The following SMTN variants were observed in gnomAD, a reference collection of about 807,000 sequenced individuals.
SMTN encodes smoothelin.
In SMTN, 58 loss-of-function variants were observed where a neutral mutation model predicts 102.0. That is an observed-to-expected ratio of 0.57 (90% CI 0.46 to 0.71). SMTN has a LOEUF of 0.71. Among genes scored for constraint, SMTN ranks in the 30% least tolerant of loss-of-function variants. SMTN has a pLI of 0.00. For missense variants in SMTN, 1,185 were observed against 1,241.7 expected (o/e 0.95, Z 0.69); for synonymous variants, 478 against 497.9 (o/e 0.96, Z 0.53).
At chr22:31,084,878 G>GCCGGC in intron 2 of SMTN, 1 of 1,077,360 alleles carries the variant, frequency 9.3e-7, no homozygotes. Context: ...CGCCCCGCGC[G>GCCGGC]CCGGCCCGGC....
chr22:31,065,200 G>C (rs1298800179), intron 1 of SMTN: 1 of 151,850 alleles, frequency 6.6e-6, no homozygotes, highest in Non-Finnish European at 1.5e-5. Flanking sequence ...TTATTACTGG[G>C]CATGTTAACA....
intron 20 of SMTN, chr22:31,101,830 A>G (rs1261391609): frequency 6.7e-6 from 1 of 148,534 alleles, no homozygotes; most frequent in Non-Finnish European, 1.5e-5. Flanking sequence ...TCCTGAGGAC[A>G]ACAGGAGTTA....
chr22:31,082,860 T>C (rs894949644), intron 1 of SMTN: 1 of 1,531,746 alleles, frequency 6.5e-7, no homozygotes, highest in Non-Finnish European at 8.8e-7. Flanking sequence ...TGGGTGGGTC[T>C]TGCCAGGCCC....
At chr22:31,099,491 G>C (rs1026835985) in intron 18 of SMTN, 2 of 586,464 alleles carry the variant, frequency 3.4e-6, no homozygotes, top group Admixed American at 3.1e-5. Context: ...AATGAGGGAA[G>C]GAGTGATGAG....
chr22:31,088,899 G>A lies in SMTN; in HGVS notation c.401G>A (p.Ser134Asn), dbSNP rs931118532. 2.5e-6 allele frequency: 4 copies of A among 1,613,838 alleles called. No individual in the cohort carries two copies. Among genetic ancestry groups the A allele is most frequent in the Non-Finnish European group, 3.4e-6 (4 of 1,180,022 alleles). ...EAATLAGRLY[S>N]GRPNSGSRED... ...GCCACCTTGGCTGGGAGGTTGTACAGCGGGCGTCCCAACAGTGGCTCAAGA... is the reference window on the plus strand; with the variant it reads ...GCCACCTTGGCTGGGAGGTTGTACAACGGGCGTCCCAACAGTGGCTCAAGA... Residue 134 changes from serine (S) to asparagine (N), a missense_variant, in exon 6 of 21, where the codon AGC (serine) becomes AAC (asparagine). Around this residue, in one of 2 missense-constraint regions of SMTN, gnomAD observed 1,096 missense variants for 1,112.7 expected, o/e 0.98. Coordinates refer to ENST00000333137, the MANE Select transcript of SMTN (RefSeq NM_134269.3).
At chr22:31,083,041 C>A in intron 1 of SMTN, 138 bp from the exon 2 acceptor site, 1 of 1,418,978 alleles carries the variant, frequency 7.0e-7, no homozygotes, top group Non-Finnish European at 9.7e-7. Context: ...CAGAGGGCAG[C>A]TTCCAGCCAG....
intron 1 of SMTN, among the ~76,000 whole-genome samples, chr22:31,081,974 C>A (rs1296449351): frequency 1.3e-5 from 2 of 152,110 alleles, no homozygotes; most frequent in Non-Finnish European, 1.5e-5. Flanking sequence ...GAGGTTGACA[C>A]CTCTGAGCCT....
At position 31,090,023 on chromosome 22, in the gene SMTN, A is replaced by G; in HGVS notation, c.792+4A>G. On this transcript the variant is annotated splice_donor_region_variant and intron_variant, in intron 7 of 20. Coordinates refer to ENST00000333137, the MANE Select transcript of SMTN (RefSeq NM_134269.3). The stretch of plus-strand genomic sequence containing the variant: ...TGAGGGCCAGGTGGTCAACAAGGTG[A>G]GTCTGGATGAGGGGCAGGGATGCCA... 2 of 1,609,230 alleles carry G rather than the reference A, an allele frequency of 1.2e-6. No individual in the cohort carries two copies. The highest frequency in any genetic ancestry group is 1.7e-6 in the Non-Finnish European group (2 of 1,176,958).
chr22:31,073,229 A>C (rs1378049619), intron 1 of SMTN, among the ~76,000 whole-genome samples: 3 of 141,300 alleles, frequency 2.1e-5, no homozygotes, highest in Non-Finnish European at 4.5e-5. Context: ...AACTCCCACC[A>C]CACATACAGA....
At chr22:31,073,724 G>T (rs2042062374) in intron 1 of SMTN, among the ~76,000 whole-genome samples, 1 of 152,206 alleles carries the variant, frequency 6.6e-6, no homozygotes, top group Non-Finnish European at 1.5e-5. Flanking sequence ...GTTATCAATT[G>T]CCACAACAAT....
At chr22:31,073,568 T>C (rs2042059347) in intron 1 of SMTN, among the ~76,000 whole-genome samples, 2 of 152,184 alleles carry the variant, frequency 1.3e-5, no homozygotes, top group Admixed American at 1.3e-4. Flanking sequence ...GCAAGGTCAC[T>C]GCTTGGAAAA....
chr22:31,097,469 C>T (rs929134834), intron 16 of SMTN, 131 bp downstream of exon 16: 19 of 790,258 alleles, frequency 2.4e-5, no homozygotes, highest in South Asian at 1.3e-4. Flanking sequence ...TTTGGGAGGC[C>T]GAGGTGGGCG....
chr22:31,093,535 G>A (rs550564545), intron 11 of SMTN: 107 of 703,348 alleles, frequency 1.5e-4, no homozygotes, highest in Non-Finnish European at 2.4e-4. Context: ...GCGGGCGGTG[G>A]CTGAAGCAGG....
intron 6 of SMTN, 152 bp downstream of exon 6, chr22:31,089,121 A>C: frequency 1.5e-6 from 1 of 668,342 alleles, no homozygotes; most frequent in Non-Finnish European, 2.5e-6. Flanking sequence ...ATCTCCCAGA[A>C]ATGCAAATCC....
chr22:31,101,070 C>T lies in SMTN; in HGVS notation c.*20+21C>T, dbSNP rs1214211716. 2.5e-6 allele frequency: 4 copies of T among 1,571,604 alleles called. No individual in the cohort carries two copies. The South Asian group carries it at 3.5e-5, about 14-fold the overall frequency. On this transcript the variant is annotated intron_variant, in intron 20 of 20. Coordinates refer to ENST00000333137, the MANE Select transcript of SMTN (RefSeq NM_134269.3). ...CCACGGTGAGAAACGCCGCCTCTAC[C>T]ACCTGCCCCGTTTCACCAGAATCTG...
chr22:31,067,244 G>GT (rs59924505), intron 1 of SMTN: 8,999 of 136,734 alleles, frequency 0.066, 817 homozygotes, highest in African/African-American at 0.21. Flanking sequence ...GACCAGAAAG[G>GT]TTTTTTTTTT....
chr22:31,078,032 C>T (rs576532885), upstream of SMTN, among the ~76,000 whole-genome samples: 5 of 152,338 alleles, frequency 3.3e-5, no homozygotes, highest in Admixed American at 2.0e-4. Context: ...CCAACAAGGT[C>T]GTCACAATCC....
chr22:31,089,479 C>T lies in SMTN; in HGVS notation c.472-220C>T, dbSNP rs114419245. Among the ~76,000 whole-genome samples the T allele has an allele frequency of 5.4e-3, 820 of 152,336 alleles. 7 individuals are homozygous for T. The highest frequency in any genetic ancestry group is 0.019 in the African/African-American group (774 of 41,576). On this transcript the variant is annotated intron_variant, in intron 6 of 20. Transcript: ENST00000333137. The stretch of plus-strand genomic sequence containing the variant: ...ACATCAGGACCTGGTCCTCTCTGAA[C>T]CCCTTTGGCTAGGTAGTGCCAAGAG...
intron 1 of SMTN, among the ~76,000 whole-genome samples, chr22:31,068,602 G>A (rs866009952): frequency 3.9e-5 from 6 of 152,270 alleles, no homozygotes; most frequent in African/African-American, 1.2e-4. Context: ...GGGGTCACAT[G>A]CATCCTTCAG....
Sources: allele counts gnomAD v4.1 joint callset (sites outside exome capture counted in the v4.1 genomes callset), GRCh38; gene constraint gnomAD v4.1.1; regional missense constraint gnomAD v4.1.1; transcripts MANE v1.5; gene names NCBI Gene and HGNC (gene_info 2026-07-23, HGNC 2026-07-21).